Variants in ENTREP2 observed in about 807,000 individuals in gnomAD.
ENTREP2 encodes endosomal transmembrane epsin interactor 2.
chr15:29,346,097 A>G, the ENTREP2 span, among the ~76,000 whole-genome samples: 1 of 152,204 alleles, frequency 6.6e-6, no homozygotes, highest in African/African-American at 2.4e-5. Context: ...TCCAGAGCCC[A>G]TGCACTCAAA....
chr15:29,176,581 C>A, the ENTREP2 span, among the ~76,000 whole-genome samples: 1 of 152,116 alleles, frequency 6.6e-6, no homozygotes, highest in Non-Finnish European at 1.5e-5. Context: ...CCAGAGAAGC[C>A]CCCAGGAAGT....
the ENTREP2 span, among the ~76,000 whole-genome samples, chr15:29,347,473 T>C: frequency 2.0e-5 from 3 of 152,166 alleles, no homozygotes; most frequent in African/African-American, 7.2e-5. Context: ...GCTGAGCCTA[T>C]GGCATCTTAA....
chr15:29,491,392 G>A, the ENTREP2 span, among the ~76,000 whole-genome samples: 1 of 152,220 alleles, frequency 6.6e-6, no homozygotes. Flanking sequence ...GAGGTGCAGA[G>A]AGTGAGCGAG....
the ENTREP2 span, among the ~76,000 whole-genome samples, chr15:29,393,749 TA>T: frequency 0.66 from 100,634 of 151,342 alleles, 34,599 homozygotes; most frequent in Admixed American, 0.74. Context: ...TATTTTTTTT[TA>T]AATTAACAAA....
At chr15:29,384,872 G>A in the ENTREP2 span, among the ~76,000 whole-genome samples, 1 of 152,188 alleles carries the variant, frequency 6.6e-6, no homozygotes, top group Admixed American at 6.5e-5. Flanking sequence ...TCCAAAAAGT[G>A]TCTTCCATTT....
the ENTREP2 span, among the ~76,000 whole-genome samples, chr15:29,151,545 C>T: frequency 6.6e-6 from 1 of 152,168 alleles, no homozygotes; most frequent in African/African-American, 2.4e-5. Context: ...TCCAACAACA[C>T]CTAAAATAAA....
At chr15:29,418,594 C>T in the ENTREP2 span, among the ~76,000 whole-genome samples, 2 of 152,276 alleles carry the variant, frequency 1.3e-5, no homozygotes, top group East Asian at 1.9e-4. Flanking sequence ...ACAGGTCTTT[C>T]GCTTCCAGGT....
the ENTREP2 span, among the ~76,000 whole-genome samples, chr15:29,479,345 T>C: frequency 6.6e-6 from 1 of 152,160 alleles, no homozygotes; most frequent in Non-Finnish European, 1.5e-5. Flanking sequence ...GATGCCGCTA[T>C]GCTTCCTGCA....
the ENTREP2 span, among the ~76,000 whole-genome samples, chr15:29,127,249 A>G: frequency 3.9e-5 from 6 of 152,078 alleles, no homozygotes; most frequent in African/African-American, 1.4e-4. Flanking sequence ...CGGGGTGTGC[A>G]TGCATGTGAC....
chr15:29,158,422 T>C, the ENTREP2 span, among the ~76,000 whole-genome samples: 2 of 104,362 alleles, frequency 1.9e-5, no homozygotes, highest in East Asian at 3.6e-4. Context: ...TTTTTTTTTT[T>C]TGAGATGTAG....
the ENTREP2 span, chr15:29,151,665 G>A: frequency 2.3e-5 from 29 of 1,256,566 alleles, no homozygotes; most frequent in Middle Eastern, 1.9e-4. Context: ...GCATCTGGCT[G>A]AAGCCAGAAG....
the ENTREP2 span, among the ~76,000 whole-genome samples, chr15:29,309,647 G>A: frequency 1.9e-5 from 2 of 107,182 alleles, no homozygotes; most frequent in African/African-American, 7.3e-5. Flanking sequence ...AAAATTAGTC[G>A]TGTGTGGTGC....
chr15:29,410,086 T>C, the ENTREP2 span, among the ~76,000 whole-genome samples: 1 of 152,184 alleles, frequency 6.6e-6, no homozygotes, highest in Admixed American at 6.5e-5. Context: ...GCCTGCCCTC[T>C]GCTTTATCAT....
the ENTREP2 span, among the ~76,000 whole-genome samples, chr15:29,208,801 T>A: frequency 2.0e-5 from 3 of 152,036 alleles, no homozygotes; most frequent in Non-Finnish European, 4.4e-5. Context: ...AGCCTCACAC[T>A]GGGAGGAGAG....
At chr15:29,576,745 T>G in the ENTREP2 span, among the ~76,000 whole-genome samples, 1 of 152,232 alleles carries the variant, frequency 6.6e-6, no homozygotes, top group African/African-American at 2.4e-5. Context: ...ATTGGGGAAA[T>G]GCAAATTAAA....
At chr15:29,236,480 A>G in the ENTREP2 span, among the ~76,000 whole-genome samples, 1 of 151,822 alleles carries the variant, frequency 6.6e-6, no homozygotes, top group Non-Finnish European at 1.5e-5. Context: ...ACTTCTCTCT[A>G]TAAAACATAA....
the ENTREP2 span, among the ~76,000 whole-genome samples, chr15:29,207,298 C>T: frequency 1.3e-5 from 2 of 152,182 alleles, no homozygotes; most frequent in Middle Eastern, 3.4e-3. Context: ...CTGGTCTCAC[C>T]GACTTCAAGA....
the ENTREP2 span, among the ~76,000 whole-genome samples, chr15:29,209,710 A>G: frequency 1.3e-5 from 2 of 152,004 alleles, no homozygotes; most frequent in African/African-American, 2.4e-5. Flanking sequence ...GGTCTCACAC[A>G]GGGAAAAGGT....
the ENTREP2 span, among the ~76,000 whole-genome samples, chr15:29,438,838 G>C: frequency 6.6e-6 from 1 of 152,184 alleles, no homozygotes; most frequent in Non-Finnish European, 1.5e-5. Context: ...CCATGAGACA[G>C]AGGAACAGGT....
Sources: allele counts gnomAD v4.1 joint callset (sites outside exome capture counted in the v4.1 genomes callset), GRCh38; gene constraint gnomAD v4.1.1; transcripts MANE v1.5; gene names NCBI Gene and HGNC (gene_info 2026-07-23, HGNC 2026-07-21).